SLC24A2: variants seen among roughly 807,000 people sequenced by gnomAD.
The protein encoded by SLC24A2 is solute carrier family 24 member 2.
SLC24A2 carries 36 observed loss-of-function variants against 62.0 expected under a neutral mutation model. That is an observed-to-expected ratio of 0.58 (90% CI 0.44 to 0.77). SLC24A2 has a LOEUF of 0.77. Ranked by LOEUF, SLC24A2 falls within the 30% of genes least tolerant of loss-of-function variation. The probability of loss-of-function intolerance (pLI) is 0.00; values close to 1 mark genes in which losing one functional copy is unlikely to be tolerated. For synonymous variants in SLC24A2, 358 were observed against 294.0 expected, an observed-to-expected ratio of 1.22 and a Z score of -2.23; for missense variants, 846 against 817.9, an observed-to-expected ratio of 1.03 and a Z score of -0.42.
the SLC24A2 span, among the ~76,000 whole-genome samples, chr9:19,989,571 T>C: frequency 6.6e-6 from 1 of 152,226 alleles, no homozygotes; most frequent in Admixed American, 6.5e-5. Flanking sequence ...GATCTGTCAC[T>C]ATTCCTGGTC....
chr9:19,815,294 A>G, the SLC24A2 span, among the ~76,000 whole-genome samples: 1 of 152,136 alleles, frequency 6.6e-6, no homozygotes, highest in African/African-American at 2.4e-5. Flanking sequence ...TAATTTTTCA[A>G]ATTCTCATTT....
chr9:19,749,554 T>C (rs755262124), intron 2 of SLC24A2, among the ~76,000 whole-genome samples: 30 of 152,198 alleles, frequency 2.0e-4, no homozygotes, highest in Non-Finnish European at 4.1e-4. Context: ...CTAGAAGAGA[T>C]TCTAGGCATT....
chr9:20,025,372 A>G, the SLC24A2 span, among the ~76,000 whole-genome samples: 1 of 152,202 alleles, frequency 6.6e-6, no homozygotes, highest in African/African-American at 2.4e-5. Flanking sequence ...CTAATATTCT[A>G]TATTCAGTAT....
the SLC24A2 span, among the ~76,000 whole-genome samples, chr9:20,160,317 G>A: frequency 2.0e-5 from 3 of 151,308 alleles, no homozygotes; most frequent in African/African-American, 4.8e-5. Flanking sequence ...ACCTCAAGGA[G>A]AAACATAGAA....
chr9:19,886,920 G>A, the SLC24A2 span, among the ~76,000 whole-genome samples: 5 of 152,082 alleles, frequency 3.3e-5, no homozygotes, highest in African/African-American at 1.2e-4. Context: ...GATAGAGCTG[G>A]CAGCCATTAT....
the SLC24A2 span, among the ~76,000 whole-genome samples, chr9:20,204,597 G>A: frequency 6.6e-6 from 1 of 152,080 alleles, no homozygotes; most frequent in Admixed American, 6.5e-5. Context: ...AAAGCTGCTG[G>A]CACCTTGGCA....
chr9:20,169,220 C>G, the SLC24A2 span, among the ~76,000 whole-genome samples: 1 of 151,852 alleles, frequency 6.6e-6, no homozygotes, highest in Non-Finnish European at 1.5e-5. Flanking sequence ...TTAATGAGTA[C>G]AGAGTTTATG....
the SLC24A2 span, among the ~76,000 whole-genome samples, chr9:20,283,628 G>A: frequency 1.3e-5 from 2 of 151,842 alleles, no homozygotes; most frequent in Non-Finnish European, 2.9e-5. Context: ...AGAGACTGAA[G>A]CAAGTTCCAG....
the SLC24A2 span, among the ~76,000 whole-genome samples, chr9:20,090,645 A>G: frequency 6.6e-6 from 1 of 152,100 alleles, no homozygotes; most frequent in South Asian, 2.1e-4. Flanking sequence ...CAAGGGAGCT[A>G]CAAAGACCCT....
chr9:19,843,092 T>C, the SLC24A2 span, among the ~76,000 whole-genome samples: 1 of 152,286 alleles, frequency 6.6e-6, no homozygotes, highest in African/African-American at 2.4e-5. Flanking sequence ...TGTCATCTGT[T>C]TAGGGCAAAA....
At chr9:20,127,192 T>C in the SLC24A2 span, among the ~76,000 whole-genome samples, 1 of 152,114 alleles carries the variant, frequency 6.6e-6, no homozygotes, top group Non-Finnish European at 1.5e-5. Flanking sequence ...TGAGGGAATG[T>C]TTCCTCTCTC....
chr9:19,687,277 A>G (rs1266671696), intron 2 of SLC24A2, among the ~76,000 whole-genome samples: 1 of 152,098 alleles, frequency 6.6e-6, no homozygotes, highest in Non-Finnish European at 1.5e-5. Context: ...CGAACCTAAA[A>G]TAAAAATCAA....
the SLC24A2 span, among the ~76,000 whole-genome samples, chr9:19,986,479 A>G: frequency 2.0e-5 from 3 of 152,292 alleles, no homozygotes; most frequent in Non-Finnish European, 4.4e-5. Context: ...TAGCAAATAC[A>G]TGTACACTCA....
At chr9:20,163,844 T>C in the SLC24A2 span, among the ~76,000 whole-genome samples, 1 of 152,176 alleles carries the variant, frequency 6.6e-6, no homozygotes, top group Non-Finnish European at 1.5e-5. Context: ...TACAACTATC[T>C]GATCTTTGAC....
At chr9:20,071,615 C>T in the SLC24A2 span, among the ~76,000 whole-genome samples, 1 of 152,106 alleles carries the variant, frequency 6.6e-6, no homozygotes, top group Admixed American at 6.6e-5. Context: ...CTCTCTCAAA[C>T]CATGTTTTTC....
chr9:19,541,267 A>G (rs1257013324), intron 8 of SLC24A2, among the ~76,000 whole-genome samples: 2 of 149,298 alleles, frequency 1.3e-5, no homozygotes. Context: ...GTTCCTTTGG[A>G]GGAGGAGAGG....
At chr9:20,121,723 T>C in the SLC24A2 span, among the ~76,000 whole-genome samples, 6 of 152,288 alleles carry the variant, frequency 3.9e-5, no homozygotes, top group Admixed American at 1.3e-4. Context: ...AAAACACCGA[T>C]ATCCAGACCC....
the SLC24A2 span, among the ~76,000 whole-genome samples, chr9:20,015,375 A>T: frequency 6.6e-6 from 1 of 152,190 alleles, no homozygotes; most frequent in African/African-American, 2.4e-5. Context: ...CATACATCTG[A>T]CCCAGGAGTT....
the SLC24A2 span, among the ~76,000 whole-genome samples, chr9:20,179,189 C>T: frequency 6.6e-6 from 1 of 152,242 alleles, no homozygotes; most frequent in Non-Finnish European, 1.5e-5. Context: ...GAAGACGACT[C>T]TTGGGGCCCA....
Sources: gnomAD v4.1 joint callset for allele counts (sites outside exome capture counted in the v4.1 genomes callset) on GRCh38, gnomAD v4.1.1 for gene constraint, MANE v1.5 for transcripts, NCBI Gene and HGNC (gene_info 2026-07-23, HGNC 2026-07-21) for gene names.